The following SGIP1 variants were observed in gnomAD, a reference collection of about 807,000 sequenced individuals.
The protein encoded by SGIP1 is SH3-containing GRB2-like protein 3-interacting protein 1.
SGIP1 carries 38 observed loss-of-function variants against 107.5 expected under a neutral mutation model. The observed-to-expected ratio is 0.35, with a 90% CI of 0.27 to 0.46. The LOEUF is 0.46. Ranked by LOEUF, SGIP1 falls within the 20% of genes least tolerant of loss-of-function variation. The probability of loss-of-function intolerance (pLI) is 1.00; values close to 1 mark genes in which losing one functional copy is unlikely to be tolerated. For missense variants in SGIP1, 929 were observed against 1,019.5 expected, an observed-to-expected ratio of 0.91 and a Z score of 1.21; for synonymous variants, 365 against 366.1, an observed-to-expected ratio of 1.00 and a Z score of 0.03.
At chr1:66,721,130 C>G (rs2093512067) in intron 19 of SGIP1, among the ~76,000 whole-genome samples, 1 of 152,150 alleles carries the variant, frequency 6.6e-6, no homozygotes, top group South Asian at 2.1e-4. Flanking sequence ...ATCTTCAAAA[C>G]AGAAAGGCCA....
In SGIP1 at chr1:66,743,470, T is replaced by A. The variant is rs544072362; in HGVS notation, c.*375T>A. The A allele has an allele frequency of 6.3e-6, 1 of 158,866 alleles. No individual in the cohort carries two copies. Among genetic ancestry groups the A allele is most frequent in the African/African-American group, 2.4e-5 (1 of 41,674 alleles). 9.8% of individuals were successfully genotyped at this position (158,866 alleles called of 1,614,324 possible). On this transcript the variant is annotated 3_prime_UTR_variant, in exon 25 of 25. Coordinates refer to ENST00000371037, the MANE Select transcript of SGIP1 (RefSeq NM_032291.4). ...TTGAATGGCACAATGCTTACAGAGG[T>A]AGATTGCATTTTGTCAATATATAAA...
rs188349798 is a variant in SGIP1, at chr1:66,644,090, T to C, written c.459+371T>C. On this transcript the variant is annotated intron_variant, in intron 7 of 24. Transcript: ENST00000371037. ...GCTAACAGTGATTTTTAAAAACACA[T>C]CTTAGTTTCCTTTTTTATGATACAC... is the stretch of plus-strand genomic sequence containing the variant. The C allele has an allele frequency of 2.8e-3, 434 of 154,330 alleles. 1 individual carries two copies. Among genetic ancestry groups the C allele is most frequent in the Non-Finnish European group, 5.3e-3 (365 of 69,386 alleles). The allele number at this position is 154,330 out of a possible 1,614,324, so 9.6% of individuals were successfully genotyped here.
At chr1:66,728,415 T>G (rs1302408411) in intron 19 of SGIP1, among the ~76,000 whole-genome samples, 1 of 152,192 alleles carries the variant, frequency 6.6e-6, no homozygotes, top group Non-Finnish European at 1.5e-5. Flanking sequence ...TTCTTACATT[T>G]CAAAACACAT....
intron 1 of SGIP1, among the ~76,000 whole-genome samples, chr1:66,580,182 A>G (rs1308582278): frequency 6.6e-6 from 1 of 152,160 alleles, no homozygotes; most frequent in Non-Finnish European, 1.5e-5. Flanking sequence ...AATGGCTTCC[A>G]TCACACTCAG....
chr1:66,542,457 G>A (rs2055206937), intron 1 of SGIP1, among the ~76,000 whole-genome samples: 1 of 152,112 alleles, frequency 6.6e-6, no homozygotes. Flanking sequence ...CGTATGCATT[G>A]TGACACAGCG....
chr1:66,557,274 A>G (rs754951696), intron 1 of SGIP1, among the ~76,000 whole-genome samples: 6 of 152,176 alleles, frequency 3.9e-5, no homozygotes, highest in Non-Finnish European at 8.8e-5. Flanking sequence ...TGATTGTGAC[A>G]TAAGGCTTTT....
At position 66,747,688 on chromosome 1, in the gene SGIP1, G is replaced by T. The variant is rs539138599; in HGVS notation, c.*4593G>T. The T allele has an allele frequency of 6.6e-6, 1 of 151,846 alleles. No homozygotes were observed. Among genetic ancestry groups the T allele is most frequent in the African/African-American group, 2.4e-5 (1 of 41,388 alleles). 9.4% of individuals were successfully genotyped at this position (151,846 alleles called of 1,614,324 possible). A position where few individuals can be genotyped will look rare whatever the true frequency, so the allele number is the denominator to read the frequency against. On this transcript the variant is annotated 3_prime_UTR_variant, in exon 25 of 25. Coordinates refer to ENST00000371037, the MANE Select transcript of SGIP1 (RefSeq NM_032291.4). ...TAGCCTCATTCTAAAAGAGTTGCAC[G>T]AATATTTTTTCTCAAAATAACCACA...
rs755819196 is a variant in SGIP1, at chr1:66,747,232, C to T, written c.*4137C>T. 14 of 151,936 alleles carry T rather than the reference C, an allele frequency of 9.2e-5. No individual in the cohort carries two copies. The highest frequency in any genetic ancestry group is 1.6e-4 in the Non-Finnish European group (11 of 67,874). 9.4% of individuals were successfully genotyped at this position (151,936 alleles called of 1,614,324 possible). A position where few individuals can be genotyped will look rare whatever the true frequency, so the allele number is the denominator to read the frequency against. ...GGGAATATACATTTTGATAAGTGCT[C>T]CAAATTTGAGAATCATTGCTCTAGT... On this transcript the variant is annotated 3_prime_UTR_variant, in exon 25 of 25. Coordinates refer to ENST00000371037, the MANE Select transcript of SGIP1 (RefSeq NM_032291.4).
In SGIP1 at chr1:66,741,282, T is replaced by C; in HGVS notation, c.2310T>C (p.Ser770=). 1 of 1,587,184 alleles carries C rather than the reference T, an allele frequency of 6.3e-7. No individual in the cohort carries two copies. Among genetic ancestry groups the C allele is most frequent in the Non-Finnish European group, 8.6e-7 (1 of 1,167,944 alleles). ...TGTGTTTTTTTTTAGGGGTGGGTTC[T>C]TTGTTGGCAAGATTTCAGTTATCTG... is the stretch of plus-strand genomic sequence containing the variant. ...SQKSENGGVG[S]LLARFQLSEG... The change falls in exon 24 of 25, where the codon TCT becomes TCC. Residue 770 remains serine (S), a synonymous_variant. Coordinates refer to ENST00000371037, the MANE Select transcript of SGIP1 (RefSeq NM_032291.4).
Position 66,721,018 on chromosome 1 carries a change from C to T in SGIP1, c.1742+1613C>T, listed in dbSNP as rs1233202876. Reference sequence around the variant, plus strand: ...CTAGCCAGCCACTAGGATCTTTCAACTTCATGTCTCTTTAAACAACATCTA... The same window carrying T: ...CTAGCCAGCCACTAGGATCTTTCAATTTCATGTCTCTTTAAACAACATCTA... On this transcript the variant is annotated intron_variant, in intron 19 of 24. Transcript: ENST00000371037. 3.9e-5 allele frequency among the ~76,000 whole-genome samples: 6 copies of T among 152,268 alleles called. No homozygotes were observed. In the East Asian group the frequency reaches 1.2e-3, roughly 29 times the overall value.
chr1:66,677,896 C>T (rs2149935925), intron 13 of SGIP1, among the ~76,000 whole-genome samples: 1 of 152,304 alleles, frequency 6.6e-6, no homozygotes, highest in East Asian at 1.9e-4. Flanking sequence ...CCAACCAATA[C>T]TTTTTCCAGT....
intron 21 of SGIP1, among the ~76,000 whole-genome samples, chr1:66,734,505 G>GTTTTTTTT (rs1324641803): frequency 7.6e-6 from 1 of 131,784 alleles, no homozygotes; most frequent in Non-Finnish European, 1.6e-5. Flanking sequence ...GATTTTTTTG[G>GTTTTTTTT]TTTTTTTTTT....
At chr1:66,662,235 T>A (rs2081642634) in intron 8 of SGIP1, among the ~76,000 whole-genome samples, 1 of 152,216 alleles carries the variant, frequency 6.6e-6, no homozygotes, top group South Asian at 2.1e-4. Context: ...TCTCTAACAT[T>A]AATCACTCAA....
At chr1:66,549,224 T>C (rs1365531547) in intron 1 of SGIP1, among the ~76,000 whole-genome samples, 3 of 152,008 alleles carry the variant, frequency 2.0e-5, no homozygotes, top group Non-Finnish European at 4.4e-5. Context: ...CCTTGCTTCC[T>C]CTCTTTCTTT....
intron 1 of SGIP1, among the ~76,000 whole-genome samples, chr1:66,567,767 T>C (rs772436350): frequency 5.0e-4 from 76 of 152,296 alleles, no homozygotes; most frequent in Middle Eastern, 3.4e-3. Flanking sequence ...GGGAATCCTT[T>C]CCCCATTGCT....
At chr1:66,650,449 T>C (rs944407223) in intron 7 of SGIP1, among the ~76,000 whole-genome samples, 6 of 152,170 alleles carry the variant, frequency 3.9e-5, no homozygotes, top group Non-Finnish European at 7.4e-5. Context: ...CTGAACAGTC[T>C]GAGAAAACAA....
intron 1 of SGIP1, among the ~76,000 whole-genome samples, chr1:66,549,345 C>T (rs1290236766): frequency 6.6e-6 from 1 of 152,110 alleles, no homozygotes; most frequent in African/African-American, 2.4e-5. Flanking sequence ...GAGCAAACCT[C>T]ATGAAACAGA....
rs1422332785 is a variant in SGIP1 at position 66,555,209 on chromosome 1, G to A, written c.10+20841G>A. Among the ~76,000 whole-genome samples the A allele has an allele frequency of 1.7e-4, 26 of 152,014 alleles. 1 individual carries two copies. The highest frequency in any genetic ancestry group is 3.7e-4 in the Non-Finnish European group (25 of 67,990). On this transcript the variant is annotated intron_variant, in intron 1 of 24. Coordinates refer to ENST00000371037, the MANE Select transcript of SGIP1 (RefSeq NM_032291.4). ...CCCAACTTCCCTCCTAGTCCTTCAT[G>A]TGTGCCCTCCTCATATACATAGTGC...
At chr1:66,651,974 T>C (rs1451397384) in intron 7 of SGIP1, among the ~76,000 whole-genome samples, 1 of 152,158 alleles carries the variant, frequency 6.6e-6, no homozygotes, top group Non-Finnish European at 1.5e-5. Context: ...CCAGTCATGA[T>C]CAAAAGGATG....
Sources: gnomAD v4.1 joint callset for allele counts (sites outside exome capture counted in the v4.1 genomes callset) on GRCh38, gnomAD v4.1.1 for gene constraint, MANE v1.5 for transcripts, NCBI Gene and HGNC (gene_info 2026-07-23, HGNC 2026-07-21) for gene names.